Variants in ANKRD10 observed in about 807,000 individuals in gnomAD.
ANKRD10 encodes the protein ankyrin repeat domain 10.
In ANKRD10, 14 loss-of-function variants were observed where a neutral mutation model predicts 27.0. The observed-to-expected ratio is 0.52, with a 90% CI of 0.34 to 0.81. ANKRD10 has a LOEUF of 0.81. Among genes scored for constraint, ANKRD10 ranks in the 40% least tolerant of loss-of-function variants. ANKRD10 has a pLI of 0.01. For missense variants in ANKRD10, 493 were observed against 544.0 expected, an observed-to-expected ratio of 0.91 and a Z score of 0.93; for synonymous variants, 250 against 224.5, an observed-to-expected ratio of 1.11 and a Z score of -1.01.
chr13:110,890,956 G>A (rs770322993), intron 4 of ANKRD10, among the ~76,000 whole-genome samples: 20 of 152,212 alleles, frequency 1.3e-4, no homozygotes, highest in Non-Finnish European at 1.5e-4. Flanking sequence ...GGAATCCTCA[G>A]AAATGCTTTT....
intron 4 of ANKRD10, among the ~76,000 whole-genome samples, chr13:110,885,408 C>T (rs1159825292): frequency 6.6e-6 from 1 of 152,032 alleles, no homozygotes; most frequent in African/African-American, 2.4e-5. Context: ...ATTAGCCAGG[C>T]GTGGTGGCGA....
intron 3 of ANKRD10, among the ~76,000 whole-genome samples, chr13:110,899,965 G>A (rs1224593904): frequency 2.6e-5 from 4 of 152,050 alleles, no homozygotes; most frequent in Non-Finnish European, 5.9e-5. Context: ...TAATCCTGGC[G>A]CTTTGGGAGG....
chr13:110,906,277 T>G (rs554684397), intron 2 of ANKRD10, among the ~76,000 whole-genome samples, 153 bp from the exon 3 acceptor site: 1 of 152,254 alleles, frequency 6.6e-6, no homozygotes, highest in African/African-American at 2.4e-5. Context: ...AAGAAATCTA[T>G]ACGTGAATGG....
intron 4 of ANKRD10, among the ~76,000 whole-genome samples, chr13:110,884,704 T>A (rs1376583999): frequency 2.6e-5 from 4 of 152,220 alleles, no homozygotes; most frequent in Non-Finnish European, 5.9e-5. Context: ...CTTCCTATCA[T>A]GAATACCACA....
chr13:110,892,822 C>A, intron 4 of ANKRD10: 1 of 1,356,436 alleles, frequency 7.4e-7, no homozygotes, highest in African/African-American at 1.5e-5. Context: ...CTTGGGCCAT[C>A]AGTATTTCCC....
At chr13:110,903,174 T>G (rs1386482679) in intron 3 of ANKRD10, among the ~76,000 whole-genome samples, 2 of 152,144 alleles carry the variant, frequency 1.3e-5, no homozygotes, top group African/African-American at 2.4e-5. Context: ...CAAGCAGCAC[T>G]CAAATATTGG....
chr13:110,903,016 C>A (rs9515308), intron 3 of ANKRD10, among the ~76,000 whole-genome samples: 45,517 of 151,838 alleles, frequency 0.3, 7,467 homozygotes, highest in Non-Finnish European at 0.38. Flanking sequence ...TAATTATCAG[C>A]AGACAGCAAG....
Position 110,914,804 on chromosome 13 carries a change from T to C in ANKRD10, c.131A>G (p.Gln44Arg), listed in dbSNP as rs750688974. ...AGAGGCCAGGTGGGCGTGGGGTGTC[T>C]GCTGCAGCAGCGAGCAGAGCGTGGC... ...DLATLCSLLQ[Q>R]TPHAHLASED... The change falls in exon 1 of 6, where the codon CAG becomes CGG. Residue 44 changes from glutamine to arginine, a missense_variant. Physicochemically the swap from Gln to Arg is conservative, Grantham distance 43. Coordinates refer to ENST00000267339, the MANE Select transcript of ANKRD10 (RefSeq NM_017664.4). 5 of 1,594,322 alleles carry C rather than the reference T, an allele frequency of 3.1e-6. No homozygotes were observed. Among genetic ancestry groups the C allele is most frequent in the East Asian group, 2.3e-5 (1 of 43,626 alleles).
Position 110,879,574 on chromosome 13 carries a change from A to G in ANKRD10, c.*63T>C, listed in dbSNP as rs2064771391. ...TGACATTCGTTCAAGTTGCTGCTAC[A>G]TGGGTATTCTGAGCTGGCTACCAGG... On this transcript the variant is annotated 3_prime_UTR_variant, in exon 6 of 6. Coordinates refer to ENST00000267339, the MANE Select transcript of ANKRD10 (RefSeq NM_017664.4). 41 of 1,256,450 alleles carry G rather than the reference A, an allele frequency of 3.3e-5. 1 individual carries two copies. The highest frequency in any genetic ancestry group is 4.2e-5 in the Non-Finnish European group (37 of 880,210). 77.8% of individuals were successfully genotyped at this position (1,256,450 alleles called of 1,614,324 possible).
intron 3 of ANKRD10, among the ~76,000 whole-genome samples, chr13:110,904,804 G>A (rs1013286283): frequency 6.6e-6 from 1 of 152,112 alleles, no homozygotes; most frequent in Non-Finnish European, 1.5e-5. Context: ...GTAAACAGAG[G>A]CCATGTTTAT....
intron 4 of ANKRD10, among the ~76,000 whole-genome samples, chr13:110,891,871 C>CTTAT: frequency 8.3e-6 from 1 of 121,206 alleles, no homozygotes; most frequent in East Asian, 2.3e-4. Flanking sequence ...CTTATTAAGA[C>CTTAT]TTTTTTTTTT....
At position 110,915,041 on chromosome 13, in the gene ANKRD10, C is replaced by G. The variant is rs1408558313; in HGVS notation, c.-107G>C. The G allele has an allele frequency of 1.2e-5, 17 of 1,429,234 alleles. No homozygotes were observed. Among genetic ancestry groups the G allele is most frequent in the East Asian group, 2.7e-5 (1 of 37,668 alleles). 88.5% of individuals were successfully genotyped at this position (1,429,234 alleles called of 1,614,324 possible). A position where few individuals can be genotyped will look rare whatever the true frequency, so the allele number is the denominator to read the frequency against. ...AGGAACGAGACTAGCGCCGCGGTCGCGTCCCACAGGCTGCCGAGCGGAGCG... is the reference window on the plus strand; with the variant it reads ...AGGAACGAGACTAGCGCCGCGGTCGGGTCCCACAGGCTGCCGAGCGGAGCG... On this transcript the variant is annotated 5_prime_UTR_variant, in exon 1 of 6. Coordinates refer to ENST00000267339, the MANE Select transcript of ANKRD10 (RefSeq NM_017664.4).
Position 110,879,836 on chromosome 13 carries a change from C to A in ANKRD10, c.1064G>T (p.Ser355Ile). The change falls in exon 6 of 6, where the codon AGT becomes ATT. Residue 355 changes from serine to isoleucine, a missense_variant. Ser to Ile is a moderately radical substitution (Grantham distance 142). Transcript: ENST00000267339. ...GGAAGGCCTACTGGCTATGCAGCTA[C>A]TTGGACTCCCGTTCAGGTGCAGAGA... ...CGSLHLNGSP[S>I]SCIASRPSWV... 1 of 1,614,236 alleles carries A rather than the reference C, an allele frequency of 6.2e-7. No homozygotes were observed.
intron 3 of ANKRD10, chr13:110,894,018 T>G: frequency 1.0e-6 from 1 of 960,718 alleles, no homozygotes; most frequent in Non-Finnish European, 1.6e-6. Flanking sequence ...GTCTGAGACC[T>G]CTACAGTAGC....
chr13:110,891,204 T>TGCATGAGG (rs540648449), intron 4 of ANKRD10, among the ~76,000 whole-genome samples: 11 of 152,216 alleles, frequency 7.2e-5, no homozygotes, highest in African/African-American at 2.4e-4. Flanking sequence ...GTACAATTCG[T>TGCATGAGG]GCATGAGGGC....
Position 110,892,669 on chromosome 13 carries a change from A to G in ANKRD10, c.691+359T>C, listed in dbSNP as rs2065112484. The G allele has an allele frequency of 3.7e-6, 3 of 812,076 alleles. No homozygotes were observed. In the Admixed American group the frequency reaches 5.0e-4, roughly 135 times the overall value. 50.3% of individuals were successfully genotyped at this position (812,076 alleles called of 1,614,324 possible). ...TATAAGCCCAGGAACATTTACAAGA[A>G]GCAAATTAAAAAAAAAAAAAAATTC... is the stretch of plus-strand genomic sequence containing the variant. On this transcript the variant is annotated intron_variant, in intron 4 of 5. Transcript: ENST00000267339.
In ANKRD10 at chr13:110,879,573, C is replaced by T; in HGVS notation, c.*64G>A. ...GTGACATTCGTTCAAGTTGCTGCTACATGGGTATTCTGAGCTGGCTACCAG... is the reference window on the plus strand; with the variant it reads ...GTGACATTCGTTCAAGTTGCTGCTATATGGGTATTCTGAGCTGGCTACCAG... On this transcript the variant is annotated 3_prime_UTR_variant, in exon 6 of 6. Coordinates refer to ENST00000267339, the MANE Select transcript of ANKRD10 (RefSeq NM_017664.4). The T allele has an allele frequency of 2.4e-6, 3 of 1,249,468 alleles. No individual in the cohort carries two copies. Among genetic ancestry groups the T allele is most frequent in the Non-Finnish European group, 2.3e-6 (2 of 874,552 alleles). The allele number at this position is 1,249,468 out of a possible 1,614,324, so 77.4% of individuals were successfully genotyped here.
intron 3 of ANKRD10, among the ~76,000 whole-genome samples, chr13:110,904,868 A>G (rs1361355149): frequency 6.6e-6 from 1 of 152,256 alleles, no homozygotes; most frequent in East Asian, 1.9e-4. Flanking sequence ...GAATCTTGCC[A>G]ATAAACTTAA....
chr13:110,909,064 C>T (rs886236623), intron 2 of ANKRD10, among the ~76,000 whole-genome samples: 1 of 152,130 alleles, frequency 6.6e-6, no homozygotes, highest in African/African-American at 2.4e-5. Flanking sequence ...GCCTCACTCC[C>T]TTTATCTACT....
Sources: allele counts gnomAD v4.1 joint callset (sites outside exome capture counted in the v4.1 genomes callset), GRCh38; gene constraint gnomAD v4.1.1; transcripts MANE v1.5; gene names NCBI Gene and HGNC (gene_info 2026-07-23, HGNC 2026-07-21).